CAP2: variants seen among roughly 807,000 people sequenced by gnomAD.
CAP2 encodes the protein adenylyl cyclase-associated protein 2.
Under a neutral mutation model 57.7 loss-of-function variants are expected in CAP2, and 24 were observed. The observed-to-expected ratio is 0.42, with a 90% confidence interval of 0.30 to 0.58. The LOEUF is 0.58. CAP2 is among the 20% of genes least tolerant of loss of function. The pLI is 0.22. For synonymous variants in CAP2, 194 were observed against 207.2 expected (o/e 0.94, Z 0.55); for missense variants, 501 against 590.3 (o/e 0.85, Z 1.57).
chr6:17,407,644 T>G (rs1759017161), intron 1 of CAP2, among the ~76,000 whole-genome samples: 1 of 151,812 alleles, frequency 6.6e-6, no homozygotes, highest in Non-Finnish European at 1.5e-5. Context: ...CTGAGTGTGG[T>G]GATGCACGCC....
chr6:17,550,806 C>T (rs1763153332), intron 11 of CAP2, among the ~76,000 whole-genome samples: 1 of 152,072 alleles, frequency 6.6e-6, no homozygotes, highest in East Asian at 1.9e-4. Context: ...TATGATCCTA[C>T]TTATCTATAT....
intron 1 of CAP2, among the ~76,000 whole-genome samples, chr6:17,410,524 C>T (rs1759111931): frequency 6.6e-6 from 1 of 152,102 alleles, no homozygotes; most frequent in South Asian, 2.1e-4. Context: ...GGTTTCACCA[C>T]CACTTCTGAC....
In CAP2 at chr6:17,421,567, G is replaced by T; in HGVS notation, c.12G>T (p.Met4Ile). 6.2e-7 allele frequency: 1 copy of T among 1,614,200 alleles called. No individual in the cohort carries two copies. The highest frequency in any genetic ancestry group is 8.5e-7 in the Non-Finnish European group (1 of 1,180,022). The change falls in exon 2 of 13, where the codon ATG becomes ATT. Residue 4 changes from methionine to isoleucine, a missense_variant. Met to Ile is a conservative substitution (Grantham distance 10). Transcript: ENST00000229922. MAN[M>I]QGLVERLERA... is the part of the protein sequence containing the mutation. ...TGTGCTTTTCTAGAATGGCCAACAT[G>T]CAGGGACTGGTGGAAAGACTGGAAC...
intron 1 of CAP2, among the ~76,000 whole-genome samples, chr6:17,401,217 G>C (rs1758806948): frequency 6.6e-6 from 1 of 152,194 alleles, no homozygotes; most frequent in African/African-American, 2.4e-5. Flanking sequence ...GAATGGATTA[G>C]TGCCCTTATG....
chr6:17,417,344 C>T (rs955817205), intron 1 of CAP2, among the ~76,000 whole-genome samples: 4 of 149,242 alleles, frequency 2.7e-5, no homozygotes, highest in Non-Finnish European at 5.9e-5. Context: ...GGGGTGAACA[C>T]GGCTCACTGC....
At chr6:17,515,886 A>T (rs770661609) in intron 7 of CAP2, among the ~76,000 whole-genome samples, 2 of 151,928 alleles carry the variant, frequency 1.3e-5, no homozygotes, top group Non-Finnish European at 2.9e-5. Context: ...ATCCTCTCCC[A>T]TGTCTCACCG....
rs1222465370 is a variant in CAP2 at position 17,522,271 on chromosome 6, G to GGAA, written c.636+8317_636+8318insGAA. On this transcript the variant is annotated intron_variant, in intron 7 of 12. Transcript: ENST00000229922. ...CTACTGTATTTAAGTTGGGCCAAAGGAGTTGTTATAGGGAAATCATTCACT... is the reference window on the plus strand; with the variant it reads ...CTACTGTATTTAAGTTGGGCCAAAGGGAAAGTTGTTATAGGGAAATCATTCACT... Among the ~76,000 whole-genome samples the GGAA allele has an allele frequency of 2.0e-5, 3 of 152,192 alleles. No individual in the cohort carries two copies. The East Asian group carries it at 5.8e-4, about 29-fold the overall frequency.
At chr6:17,418,703 G>T (rs1466564024) in intron 1 of CAP2, among the ~76,000 whole-genome samples, 1 of 151,990 alleles carries the variant, frequency 6.6e-6, no homozygotes, top group East Asian at 1.9e-4. Flanking sequence ...GGTCTATGGT[G>T]GTAACATTTG....
chr6:17,553,888 G>A (rs151192022), intron 12 of CAP2, among the ~76,000 whole-genome samples: 2,577 of 152,216 alleles, frequency 0.017, 42 homozygotes, highest in Middle Eastern at 0.048. Context: ...TCAAAGAGGT[G>A]CCTTCATCTG....
intron 1 of CAP2, among the ~76,000 whole-genome samples, chr6:17,418,258 T>A (rs1322923857): frequency 1.3e-5 from 2 of 152,188 alleles, no homozygotes; most frequent in African/African-American, 2.4e-5. Flanking sequence ...TTTCTTTTAT[T>A]TATTCTTCAG....
chr6:17,521,547 G>A (rs1161128939), intron 7 of CAP2, among the ~76,000 whole-genome samples: 2 of 152,208 alleles, frequency 1.3e-5, no homozygotes, highest in Non-Finnish European at 2.9e-5. Flanking sequence ...TATGGCTTAA[G>A]CATCTACTAT....
intron 3 of CAP2, among the ~76,000 whole-genome samples, chr6:17,455,012 A>G (rs1421992775): frequency 2.6e-5 from 4 of 152,198 alleles, no homozygotes; most frequent in African/African-American, 9.7e-5. Flanking sequence ...TTAGTCAGAC[A>G]TGAGCAGGGC....
intron 4 of CAP2, among the ~76,000 whole-genome samples, chr6:17,479,768 C>T (rs965916484): frequency 7.9e-5 from 12 of 151,778 alleles, no homozygotes; most frequent in Non-Finnish European, 1.6e-4. Context: ...CCCGCCACCA[C>T]ACCCGGCTAA....
At chr6:17,437,001 T>C (rs1053349453) in intron 3 of CAP2, among the ~76,000 whole-genome samples, 1 of 152,212 alleles carries the variant, frequency 6.6e-6, no homozygotes, top group African/African-American at 2.4e-5. Flanking sequence ...GAGAATCTAA[T>C]GCCTTATGAT....
At chr6:17,498,247 C>CA (rs939792318) in intron 4 of CAP2, among the ~76,000 whole-genome samples, 3 of 151,956 alleles carry the variant, frequency 2.0e-5, no homozygotes, top group African/African-American at 7.2e-5. Flanking sequence ...TGGGAAGTGA[C>CA]AAAAAAACGT....
intron 7 of CAP2, among the ~76,000 whole-genome samples, chr6:17,526,608 G>A (rs1309555702): frequency 6.6e-6 from 1 of 152,108 alleles, no homozygotes; most frequent in East Asian, 1.9e-4. Flanking sequence ...TTCTTAAAAA[G>A]GGAAATGGGG....
At position 17,543,074 on chromosome 6, in the gene CAP2, A is replaced by T; in HGVS notation, c.1140A>T (p.Lys380Asn). The T allele has an allele frequency of 6.2e-7, 1 of 1,613,978 alleles. No individual in the cohort carries two copies. The change falls in exon 11 of 13, where the codon AAA becomes AAT. Residue 380 changes from lysine (K) to asparagine (N), a missense_variant. Lys to Asn is a moderately conservative substitution (Grantham distance 94). Transcript: ENST00000229922. ...TTCTCCCCACAGACAACTGTAAAAA[A>T]CTCGGCCTGGTGTTTGACAATGTGG... ...VNSIIIDNCK[K>N]LGLVFDNVVG...
chr6:17,549,275 C>T (rs896359880), intron 11 of CAP2, among the ~76,000 whole-genome samples: 10 of 152,098 alleles, frequency 6.6e-5, no homozygotes, highest in Non-Finnish European at 1.3e-4. Flanking sequence ...ACCAGCCTGA[C>T]CAACATGGAG....
intron 2 of CAP2, among the ~76,000 whole-genome samples, chr6:17,425,939 A>G (rs1407032286): frequency 6.6e-6 from 1 of 151,940 alleles, no homozygotes; most frequent in Non-Finnish European, 1.5e-5. Flanking sequence ...TACAAAAACT[A>G]CAAAAATTAA....
Sources: gnomAD v4.1 joint callset for allele counts (sites outside exome capture counted in the v4.1 genomes callset) on GRCh38, gnomAD v4.1.1 for gene constraint, MANE v1.5 for transcripts, NCBI Gene and HGNC (gene_info 2026-07-23, HGNC 2026-07-21) for gene names.